GRM5: variants seen among roughly 807,000 people sequenced by gnomAD.
GRM5 encodes metabotropic glutamate receptor 5.
GRM5 carries 19 observed loss-of-function variants against 83.1 expected under a neutral mutation model. That is an observed-to-expected ratio of 0.23 (90% CI 0.16 to 0.34). GRM5 has a LOEUF of 0.34. GRM5 is among the 10% of genes least tolerant of loss of function. The pLI, the probability that GRM5 is intolerant of heterozygous loss-of-function variation, is 1.00. For missense variants in GRM5, 1,160 were observed against 1,588.3 expected (o/e 0.73, Z 4.58); for synonymous variants, 675 against 633.6 (o/e 1.07, Z -0.98).
chr11:88,506,288 C>G lies in GRM5; in HGVS notation c.*2304G>C, dbSNP rs60954128. The G allele has an allele frequency of 6.6e-6, 1 of 151,932 alleles. No individual in the cohort carries two copies. Among genetic ancestry groups the G allele is most frequent in the Non-Finnish European group, 1.5e-5 (1 of 67,982 alleles). The allele number at this position is 151,932 out of a possible 1,614,324, so 9.4% of individuals were successfully genotyped here. A position where few individuals can be genotyped will look rare whatever the true frequency, so the allele number is the denominator to read the frequency against. ...AACAAAGTTTAAACATGTTCTTCAA[C>G]TGGTCTAGAGTGAAACGTATTGTAC... On this transcript the variant is annotated 3_prime_UTR_variant, in exon 10 of 10. Transcript: ENST00000305447.
intron 6 of GRM5, 98 bp from the exon 7 acceptor site, chr11:88,590,825 T>C (rs1379450582): frequency 2.8e-6 from 2 of 725,994 alleles, no homozygotes; most frequent in African/African-American, 1.8e-5. Context: ...GAAAGGCCTT[T>C]CACATACATT....
At chr11:88,623,154 C>T (rs1221718143) in intron 4 of GRM5, among the ~76,000 whole-genome samples, 1 of 152,128 alleles carries the variant, frequency 6.6e-6, no homozygotes, top group Non-Finnish European at 1.5e-5. Context: ...GGCACAATCT[C>T]AGCTTACTGC....
chr11:88,967,221 G>A (rs1398951643), intron 2 of GRM5, among the ~76,000 whole-genome samples: 2 of 44,212 alleles, frequency 4.5e-5, no homozygotes, highest in Non-Finnish European at 1.4e-4. Flanking sequence ...GTGTATATAT[G>A]TGTGTGTATG....
intron 7 of GRM5, among the ~76,000 whole-genome samples, chr11:88,586,294 C>T (rs977297190): frequency 6.6e-6 from 1 of 152,046 alleles, no homozygotes; most frequent in Non-Finnish European, 1.5e-5. Flanking sequence ...CAGTTGATTG[C>T]TACTTTAAGT....
chr11:89,009,686 G>C (rs1940629690), intron 2 of GRM5, among the ~76,000 whole-genome samples: 1 of 151,556 alleles, frequency 6.6e-6, no homozygotes, highest in Non-Finnish European at 1.5e-5. Context: ...CACGAGGTCA[G>C]GAGATCGAGA....
chr11:88,507,224 T>C lies in GRM5; in HGVS notation c.*1368A>G, dbSNP rs1941203019. ...GTGCACAAAATCATATTAATCATTA[T>C]TTTAAAAAAGAAAATAAGAATTGCT... On this transcript the variant is annotated 3_prime_UTR_variant, in exon 10 of 10. Transcript: ENST00000305447. 1 of 152,230 alleles carries C rather than the reference T, an allele frequency of 6.6e-6. No individual in the cohort carries two copies. Among genetic ancestry groups the C allele is most frequent in the Non-Finnish European group, 1.5e-5 (1 of 68,034 alleles). 9.4% of individuals were successfully genotyped at this position (152,230 alleles called of 1,614,324 possible). A position where few individuals can be genotyped will look rare whatever the true frequency, so the allele number is the denominator to read the frequency against.
intron 2 of GRM5, among the ~76,000 whole-genome samples, chr11:89,004,284 G>A (rs1187850337): frequency 6.6e-6 from 1 of 152,070 alleles, no homozygotes; most frequent in Non-Finnish European, 1.5e-5. Context: ...TTTCATTCAA[G>A]TTTAAATTGT....
chr11:88,949,819 G>C (rs1488719492), intron 2 of GRM5, among the ~76,000 whole-genome samples: 5 of 152,158 alleles, frequency 3.3e-5, no homozygotes, highest in African/African-American at 1.2e-4. Flanking sequence ...ATTAGAAACA[G>C]TATTTTAGGA....
intron 3 of GRM5, among the ~76,000 whole-genome samples, chr11:88,716,108 A>T (rs913767189): frequency 1.3e-5 from 2 of 151,962 alleles, no homozygotes; most frequent in African/African-American, 4.8e-5. Flanking sequence ...CAAAAAAAGG[A>T]TGAGAGTTTG....
intron 3 of GRM5, among the ~76,000 whole-genome samples, chr11:88,696,580 A>G (rs569256614): frequency 2.2e-4 from 34 of 152,302 alleles, no homozygotes; most frequent in African/African-American, 7.7e-4. Context: ...CTGTAAGATA[A>G]TAATTGGGAT....
chr11:88,886,782 T>A (rs1945050487), intron 2 of GRM5, among the ~76,000 whole-genome samples: 1 of 152,174 alleles, frequency 6.6e-6, no homozygotes. Flanking sequence ...ATCTATTTCA[T>A]CCTCTCTGTG....
intron 3 of GRM5, among the ~76,000 whole-genome samples, chr11:88,844,093 A>C (rs1944255500): frequency 6.6e-6 from 1 of 152,178 alleles, no homozygotes; most frequent in Non-Finnish European, 1.5e-5. Context: ...GATGCCATCT[A>C]ACACTTTCTC....
chr11:89,018,068 G>C (rs1442799530), intron 2 of GRM5, among the ~76,000 whole-genome samples: 1 of 152,000 alleles, frequency 6.6e-6, no homozygotes, highest in East Asian at 1.9e-4. Context: ...TTAAATTTCA[G>C]GTTTGTTGCA....
intron 2 of GRM5, among the ~76,000 whole-genome samples, chr11:88,938,457 A>T (rs1937974261): frequency 6.6e-6 from 1 of 151,666 alleles, no homozygotes; most frequent in South Asian, 2.1e-4. Flanking sequence ...GAAAAAGAAA[A>T]AGATAATTAT....
intron 6 of GRM5, among the ~76,000 whole-genome samples, chr11:88,595,999 A>G (rs1937792942): frequency 7.4e-6 from 1 of 135,780 alleles, no homozygotes; most frequent in Non-Finnish European, 1.6e-5. Flanking sequence ...TCTTAGCTTT[A>G]TTTTTCATTG....
In GRM5 at chr11:88,733,464, C is replaced by T. The variant is rs377089323; in HGVS notation, c.912-80061G>A. ...TATGCATTGTGAGGGATGGAACCCA[C>T]GTTCCGGACTCTGAATTATCTCTTT... is the stretch of plus-strand genomic sequence containing the variant. On this transcript the variant is annotated intron_variant, in intron 3 of 9. Coordinates refer to ENST00000305447, the MANE Select transcript of GRM5 (RefSeq NM_001143831.3). Among the ~76,000 whole-genome samples the T allele has an allele frequency of 2.6e-4, 39 of 152,076 alleles. No individual in the cohort carries two copies. In the South Asian group the frequency reaches 7.0e-3, roughly 27 times the overall value.
Position 88,653,263 on chromosome 11 carries a change from C to T in GRM5, c.1052G>A (p.Arg351Gln), listed in dbSNP as rs1282937618. Residue 351 changes from arginine to glutamine, a missense_variant, in exon 4 of 10, where the codon CGA becomes CAA. This residue lies in a region of GRM5 where 132 missense variants were observed against 197.6 expected (regional missense o/e 0.67). Coordinates refer to ENST00000305447, the MANE Select transcript of GRM5 (RefSeq NM_001143831.3). ...CCAAAATTCTTGAAACCAAGGGTTTCGGTGGTTTGTTTCTGGCCGGAGCTT... is the reference window on the plus strand; with the variant it reads ...CCAAAATTCTTGAAACCAAGGGTTTTGGTGGTTTGTTTCTGGCCGGAGCTT... The part of the protein sequence containing the change: ...YLKLRPETNH[R>Q]NPWFQEFWQH... 3.7e-6 allele frequency: 6 copies of T among 1,613,124 alleles called. No individual in the cohort carries two copies. Among genetic ancestry groups the T allele is most frequent in the South Asian group, 1.1e-5 (1 of 91,064 alleles).
chr11:88,592,066 A>C (rs1250684167), intron 6 of GRM5, among the ~76,000 whole-genome samples: 2 of 152,224 alleles, frequency 1.3e-5, no homozygotes, highest in Non-Finnish European at 2.9e-5. Flanking sequence ...GCTTATAAAC[A>C]TTGAGTCTTA....
At chr11:88,801,635 G>C (rs1268624008) in intron 3 of GRM5, among the ~76,000 whole-genome samples, 1 of 152,234 alleles carries the variant, frequency 6.6e-6, no homozygotes, top group East Asian at 1.9e-4. Context: ...TGAGTTAAAA[G>C]AGTGTATTAA....
Sources: gnomAD v4.1 joint callset for allele counts (sites outside exome capture counted in the v4.1 genomes callset) on GRCh38, gnomAD v4.1.1 for gene constraint, gnomAD v4.1.1 regional missense constraint, MANE v1.5 for transcripts, NCBI Gene and HGNC (gene_info 2026-07-23, HGNC 2026-07-21) for gene names.